Variants in TANC1 observed in about 807,000 individuals in gnomAD.
The protein encoded by TANC1 is protein TANC1.
TANC1 carries 77 observed loss-of-function variants against 149.7 expected under a neutral mutation model. The observed-to-expected ratio is 0.51, with a 90% CI of 0.43 to 0.62. The LOEUF (loss-of-function observed/expected upper bound fraction) is 0.62, where lower values mean the gene tolerates loss of function less well. Among genes scored for constraint, TANC1 ranks in the 20% least tolerant of loss-of-function variants. TANC1 has a pLI of 0.00. For synonymous variants in TANC1, 854 were observed against 925.0 expected, an observed-to-expected ratio of 0.92 and a Z score of 1.39; for missense variants, 1,985 against 2,321.8, an observed-to-expected ratio of 0.85 and a Z score of 2.98.
At chr2:159,188,339 G>A (rs1200315185) in intron 16 of TANC1, among the ~76,000 whole-genome samples, 1 of 152,228 alleles carries the variant, frequency 6.6e-6, no homozygotes, top group Non-Finnish European at 1.5e-5. Context: ...AAAGTGACTT[G>A]CTCTGGGATG....
chr2:159,164,654 C>T (rs577276432), intron 8 of TANC1, among the ~76,000 whole-genome samples: 1 of 152,332 alleles, frequency 6.6e-6, no homozygotes, highest in Admixed American at 6.5e-5. Context: ...TCTTCTACTA[C>T]TGCAGGGACC....
rs530258191 is a variant in TANC1, at chr2:159,017,150, C to T, written c.-16+15961C>T. ...TAGTCTTTTTGGAACACTTCTTTGG[C>T]GCCCTAACAGGGGAAAATGATCAGT... On this transcript the variant is annotated intron_variant, in intron 2 of 26. Coordinates refer to ENST00000263635, the MANE Select transcript of TANC1 (RefSeq NM_033394.3). Among the ~76,000 whole-genome samples the T allele has an allele frequency of 7.2e-5, 11 of 152,212 alleles. No individual in the cohort carries two copies. In the East Asian group the frequency reaches 9.6e-4, roughly 13 times the overall value.
intron 3 of TANC1, among the ~76,000 whole-genome samples, chr2:159,089,577 C>T (rs1365379544): frequency 6.6e-6 from 1 of 152,196 alleles, no homozygotes; most frequent in Non-Finnish European, 1.5e-5. Context: ...TCTTTCCTCC[C>T]TGGCAGACTG....
At chr2:159,079,273 C>A (rs1047941988) in intron 3 of TANC1, among the ~76,000 whole-genome samples, 3 of 151,534 alleles carry the variant, frequency 2.0e-5, no homozygotes, top group African/African-American at 4.9e-5. Flanking sequence ...TCAAGCGATC[C>A]TCCTGCCTTA....
At chr2:158,991,535 C>T (rs186901662) in intron 1 of TANC1, among the ~76,000 whole-genome samples, 5 of 152,054 alleles carry the variant, frequency 3.3e-5, no homozygotes, top group Admixed American at 6.5e-5. Context: ...GGGTGGATCA[C>T]GAGGTCAGGA....
rs1187931704 is a variant in TANC1, at chr2:159,185,889, A to G, written c.2609A>G (p.His870Arg). Residue 870 changes from histidine to arginine, a missense_variant, in exon 15 of 27, where the codon CAC (histidine) becomes CGC (arginine). His to Arg is a conservative substitution (Grantham distance 29). This residue lies in a region of TANC1 where 508 missense variants were observed against 714.2 expected (regional missense o/e 0.71). Coordinates refer to ENST00000263635, the MANE Select transcript of TANC1 (RefSeq NM_033394.3). ...CTTGGCCACCACATCCTGAAGGCGC[A>G]CATTTTCAAGGTGAGATGCACACCA... Reference protein sequence around the residue: ...MELGHHILKAHIFKGLSKKTG... With the variant: ...MELGHHILKARIFKGLSKKTG... 1 of 1,613,058 alleles carries G rather than the reference A, an allele frequency of 6.2e-7. No individual in the cohort carries two copies. The highest frequency in any genetic ancestry group is 1.3e-5 in the African/African-American group (1 of 74,908).
intron 2 of TANC1, among the ~76,000 whole-genome samples, chr2:159,051,659 G>A (rs1007653268): frequency 1.4e-4 from 20 of 140,900 alleles, no homozygotes; most frequent in African/African-American, 4.7e-4. Flanking sequence ...GTTTGTGTGT[G>A]TGTGTGTGTG....
chr2:159,091,118 C>T (rs1326612340), intron 3 of TANC1, among the ~76,000 whole-genome samples: 2 of 151,938 alleles, frequency 1.3e-5, no homozygotes, highest in Non-Finnish European at 2.9e-5. Flanking sequence ...CTTAAGTATG[C>T]AAAATGACAT....
chr2:159,196,547 A>C (rs2057865173), intron 17 of TANC1, 61 bp from the exon 18 acceptor site: 3 of 1,448,884 alleles, frequency 2.1e-6, no homozygotes, highest in South Asian at 2.6e-5. Flanking sequence ...TAGGTGGTGC[A>C]TCTGCATGCT....
Position 159,227,984 on chromosome 2 carries a change from T to C in TANC1, c.4050+19T>C, listed in dbSNP as rs371223221. On this transcript the variant is annotated intron_variant, in intron 25 of 26. Transcript: ENST00000263635. ...AACAAATGTAAGCTGTGCCCCTTTATTCCAACCCAGTCTTCCAGCAACAGA... is the reference window on the plus strand; with the variant it reads ...AACAAATGTAAGCTGTGCCCCTTTACTCCAACCCAGTCTTCCAGCAACAGA... The C allele has an allele frequency of 1.2e-6, 2 of 1,604,600 alleles. No homozygotes were observed. Among genetic ancestry groups the C allele is most frequent in the Non-Finnish European group, 1.7e-6 (2 of 1,175,448 alleles).
chr2:159,047,551 C>A (rs2041167884), intron 2 of TANC1, among the ~76,000 whole-genome samples: 2 of 152,260 alleles, frequency 1.3e-5, no homozygotes, highest in Non-Finnish European at 1.5e-5. Flanking sequence ...ATGCATATCT[C>A]ATTGCCTCCT....
chr2:159,184,039 G>A (rs549129718), intron 14 of TANC1, among the ~76,000 whole-genome samples: 53 of 152,314 alleles, frequency 3.5e-4, no homozygotes, highest in African/African-American at 1.3e-3. Flanking sequence ...TAAGAGCACA[G>A]GCTCTCCTGT....
rs1372772145 is a variant in TANC1, at chr2:159,018,052, G to A, written c.-16+16863G>A. Among the ~76,000 whole-genome samples the A allele has an allele frequency of 3.9e-5, 6 of 152,128 alleles. No homozygotes were observed. The South Asian group carries it at 1.0e-3, about 26-fold the overall frequency. The stretch of plus-strand genomic sequence containing the variant: ...GCGTGAATCAAACCTCGTCAGTGTT[G>A]TGCAGCATCCCGCAGTTCAAAGGCA... On this transcript the variant is annotated intron_variant, in intron 2 of 26. Transcript: ENST00000263635.
rs903782323 is a variant in TANC1 at position 159,219,375 on chromosome 2, G to A, written c.3502+14G>A. 1.2e-6 allele frequency: 2 copies of A among 1,613,902 alleles called. No homozygotes were observed. Among genetic ancestry groups the A allele is most frequent in the South Asian group, 2.2e-5 (2 of 91,080 alleles). On this transcript the variant is annotated intron_variant, in intron 21 of 26. Transcript: ENST00000263635. ...TCCTTTCAAAAGGTAGCAGCGTGAT[G>A]CCCTCAAAGGTTTCTTTTGGACGGA...
At chr2:159,136,129 G>A in intron 4 of TANC1, 65 bp from the exon 5 acceptor site, 2 of 975,548 alleles carry the variant, frequency 2.1e-6, no homozygotes, top group Non-Finnish European at 1.7e-6. Context: ...GACACACACT[G>A]TACATTCCAA....
chr2:159,152,665 T>A (rs10191475), intron 7 of TANC1, among the ~76,000 whole-genome samples: 41,543 of 151,878 alleles, frequency 0.27, 6,446 homozygotes, highest in Non-Finnish European at 0.37. Context: ...CATTAAAAAA[T>A]TTTTTAACAT....
intron 2 of TANC1, among the ~76,000 whole-genome samples, chr2:159,036,041 C>T (rs754265573): frequency 6.6e-5 from 10 of 152,068 alleles, no homozygotes; most frequent in Non-Finnish European, 1.3e-4. Flanking sequence ...ACTTGTCTGT[C>T]GGTTGTGGTT....
chr2:159,136,791 A>G (rs1165717531), intron 5 of TANC1, among the ~76,000 whole-genome samples: 2 of 81,236 alleles, frequency 2.5e-5, no homozygotes, highest in Non-Finnish European at 5.7e-5. Context: ...GTAGGAGCAA[A>G]AAAAAAAAAA....
intron 3 of TANC1, among the ~76,000 whole-genome samples, chr2:159,090,067 G>A (rs1270734716): frequency 1.3e-5 from 2 of 152,180 alleles, no homozygotes; most frequent in East Asian, 3.9e-4. Context: ...ATCTAAACGT[G>A]TGTATCTTAA....
Sources: allele counts gnomAD v4.1 joint callset (sites outside exome capture counted in the v4.1 genomes callset), GRCh38; gene constraint gnomAD v4.1.1; regional missense constraint gnomAD v4.1.1; transcripts MANE v1.5; gene names NCBI Gene and HGNC (gene_info 2026-07-23, HGNC 2026-07-21).